The following PPARA variants were observed in gnomAD, a reference collection of about 807,000 sequenced individuals.
The protein encoded by PPARA is peroxisome proliferator-activated receptor alpha.
In PPARA, 22 loss-of-function variants were observed where a neutral mutation model predicts 42.2. The ratio of observed to expected loss-of-function variants is 0.52; its 90% CI spans 0.37 to 0.74. The LOEUF (loss-of-function observed/expected upper bound fraction) is 0.74. Among genes scored for constraint, PPARA ranks in the 30% least tolerant of loss-of-function variants. The pLI is 0.00. For missense variants in PPARA, 465 were observed against 608.2 expected (o/e 0.76, Z 2.48); for synonymous variants, 242 against 239.3 (o/e 1.01, Z -0.10).
intron 4 of PPARA, among the ~76,000 whole-genome samples, chr22:46,205,811 G>T (rs548019385): frequency 2.0e-5 from 3 of 151,700 alleles, no homozygotes; most frequent in African/African-American, 7.2e-5. Context: ...TTCTGTTGAT[G>T]AACTGAACCT....
In PPARA at chr22:46,180,153, G is replaced by C. The variant is rs189182117; in HGVS notation, c.-43+3317G>C. On this transcript the variant is annotated intron_variant, in intron 3 of 8. Transcript: ENST00000407236. This position sits in a 1 kb window ranked among gnomAD's most constrained non-coding sequence, Gnocchi z 4.2. ...AACTCTCATCTTTGCTGACAGGAAG[G>C]TAAAATGATACAAACACATTGAAAA... Among the ~76,000 whole-genome samples, 496 of 150,496 alleles carry C rather than the reference G, an allele frequency of 3.3e-3. 1 individual carries two copies. The highest frequency in any genetic ancestry group is 6.1e-3 in the Non-Finnish European group (413 of 67,832).
intron 3 of PPARA, among the ~76,000 whole-genome samples, chr22:46,197,168 G>A (rs563372644): frequency 9.9e-5 from 15 of 151,784 alleles, no homozygotes; most frequent in African/African-American, 3.6e-4. Context: ...TCCTGCCTCA[G>A]CCTCCTGAGT....
intron 2 of PPARA, among the ~76,000 whole-genome samples, chr22:46,174,357 G>T (rs1928682996): frequency 6.6e-6 from 1 of 151,406 alleles, no homozygotes; most frequent in Non-Finnish European, 1.5e-5. Flanking sequence ...CTGTTTTGGG[G>T]GTGCAACTTT....
chr22:46,210,177 C>G (rs1216541486), intron 4 of PPARA, among the ~76,000 whole-genome samples: 1 of 151,834 alleles, frequency 6.6e-6, no homozygotes, highest in Non-Finnish European at 1.5e-5. Context: ...GGCACAGTGG[C>G]ACATGCCTGT....
intron 5 of PPARA, among the ~76,000 whole-genome samples, chr22:46,215,717 G>A (rs375142794): frequency 1.1e-4 from 16 of 151,670 alleles, no homozygotes; most frequent in South Asian, 8.3e-4. Context: ...ACTCCAGCCT[G>A]GGCAACAAGA....
rs1345739572 is a variant in PPARA at position 46,240,816 on chromosome 22, A to G, written c.*5436A>G. Reference sequence around the variant, plus strand: ...TTGTTTAGCTGCACTGGAATTTCTTACCAACCAAATATTTGCATCGAGCAA... The same window carrying G: ...TTGTTTAGCTGCACTGGAATTTCTTGCCAACCAAATATTTGCATCGAGCAA... On this transcript the variant is annotated 3_prime_UTR_variant, in exon 9 of 9. Transcript: ENST00000407236. The surrounding 1 kb of genome is among the most constrained non-coding windows in gnomAD (Gnocchi z 6.0). The G allele has an allele frequency of 6.6e-6, 1 of 152,230 alleles. No homozygotes were observed. Among genetic ancestry groups the G allele is most frequent in the Non-Finnish European group, 1.5e-5 (1 of 68,048 alleles). 9.4% of individuals were successfully genotyped at this position (152,230 alleles called of 1,614,324 possible).
rs545989199 is a variant in PPARA at position 46,169,301 on chromosome 22, C to A, written c.-126-7452C>A. Among the ~76,000 whole-genome samples the A allele has an allele frequency of 8.1e-4, 123 of 152,012 alleles. 1 individual carries two copies. The highest frequency in any genetic ancestry group is 2.8e-3 in the African/African-American group (116 of 41,496). ...GACGGAGGGGGTGCAGTGGCGCAAT[C>A]TCGGCTCACTGCAAGCTCCGCCTCC... On this transcript the variant is annotated intron_variant, in intron 2 of 8. Coordinates refer to ENST00000407236, the MANE Select transcript of PPARA (RefSeq NM_005036.6).
At position 46,215,237 on chromosome 22, in the gene PPARA, C is replaced by T. The variant is rs895647814; in HGVS notation, c.273C>T (p.Asp91=). The T allele has an allele frequency of 2.4e-5, 38 of 1,613,966 alleles. No homozygotes were observed. The highest frequency in any genetic ancestry group is 3.3e-5 in the Admixed American group (2 of 59,978). The change falls in exon 5 of 9, where the codon GAC becomes GAT. Residue 91 remains aspartate, a synonymous_variant. Coordinates refer to ENST00000407236, the MANE Select transcript of PPARA (RefSeq NM_005036.6). ...ATCCTGTGGTCCCCGGCAGCGTGGA[C>T]GAGTCTCCCAGTGGAGCATTGAACA... ...VTYPVVPGSV[D]ESPSGALNIE...
In PPARA at chr22:46,243,045, C is replaced by G. The variant is rs1002747279; in HGVS notation, c.*7665C>G. The G allele has an allele frequency of 2.0e-5, 3 of 152,748 alleles. No individual in the cohort carries two copies. The East Asian group carries it at 5.8e-4, about 29-fold the overall frequency. 9.5% of individuals were successfully genotyped at this position (152,748 alleles called of 1,614,324 possible). Reference sequence around the variant, plus strand: ...AATTGGAAATGTCCTGATGGAAATTCTTTGCACGTGCCGGTTCTCTGGCAT... The same window carrying G: ...AATTGGAAATGTCCTGATGGAAATTGTTTGCACGTGCCGGTTCTCTGGCAT... On this transcript the variant is annotated 3_prime_UTR_variant, in exon 9 of 9. Transcript: ENST00000407236. This position sits in a 1 kb window ranked among gnomAD's most constrained non-coding sequence, Gnocchi z 5.0.
chr22:46,208,343 T>G (rs1933593189), intron 4 of PPARA, among the ~76,000 whole-genome samples: 1 of 151,410 alleles, frequency 6.6e-6, no homozygotes, highest in South Asian at 2.1e-4. Context: ...AGGTCAGGAG[T>G]TCAAGACTAG....
In PPARA at chr22:46,243,030, G is replaced by T. The variant is rs980850949; in HGVS notation, c.*7650G>T. 1 of 152,664 alleles carries T rather than the reference G, an allele frequency of 6.6e-6. No individual in the cohort carries two copies. Among genetic ancestry groups the T allele is most frequent in the Non-Finnish European group, 1.5e-5 (1 of 68,046 alleles). The allele number at this position is 152,664 out of a possible 1,614,324, so 9.5% of individuals were successfully genotyped here. A position where few individuals can be genotyped will look rare whatever the true frequency, so the allele number is the denominator to read the frequency against. On this transcript the variant is annotated 3_prime_UTR_variant, in exon 9 of 9. Coordinates refer to ENST00000407236, the MANE Select transcript of PPARA (RefSeq NM_005036.6). This position sits in a 1 kb window ranked among gnomAD's most constrained non-coding sequence, Gnocchi z 5.0. ...CCAAAGAACGCTGGCAATTGGAAAT[G>T]TCCTGATGGAAATTCTTTGCACGTG...
chr22:46,239,589 G>C lies in PPARA; in HGVS notation c.*4209G>C, dbSNP rs1217160505. ...CCCAATTTGGTGAAACTGACATTGG[G>C]CACGTCTTGGGCTTAGGAGAAGCGG... On this transcript the variant is annotated 3_prime_UTR_variant, in exon 9 of 9. Coordinates refer to ENST00000407236, the MANE Select transcript of PPARA (RefSeq NM_005036.6). 1 of 150,464 alleles carries C rather than the reference G, an allele frequency of 6.6e-6. No homozygotes were observed. Among genetic ancestry groups the C allele is most frequent in the Non-Finnish European group, 1.5e-5 (1 of 67,728 alleles). The allele number at this position is 150,464 out of a possible 1,614,324, so 9.3% of individuals were successfully genotyped here. A position where few individuals can be genotyped will look rare whatever the true frequency, so the allele number is the denominator to read the frequency against.
chr22:46,189,966 A>G (rs186827050), intron 3 of PPARA, among the ~76,000 whole-genome samples: 11 of 152,208 alleles, frequency 7.2e-5, no homozygotes, highest in Non-Finnish European at 1.3e-4. Context: ...CGGCCTCCCA[A>G]AGTGCTGGGA....
In PPARA at chr22:46,192,245, T is replaced by G. The variant is rs145185536; in HGVS notation, c.-42-6097T>G. Among the ~76,000 whole-genome samples, 28 of 152,240 alleles carry G rather than the reference T, an allele frequency of 1.8e-4. No homozygotes were observed. Among genetic ancestry groups the G allele is most frequent in the African/African-American group, 6.7e-4 (28 of 41,502 alleles). ...ACAGATAATCAGGGCTACACCAGAA[T>G]TGGGCCCAAGATGCTGCAGGAATCT... On this transcript the variant is annotated intron_variant, in intron 3 of 8. Coordinates refer to ENST00000407236, the MANE Select transcript of PPARA (RefSeq NM_005036.6). The surrounding 1 kb of genome is among the most constrained non-coding windows in gnomAD (Gnocchi z 4.3).
In PPARA at chr22:46,192,375, A is replaced by G. The variant is rs1931681235; in HGVS notation, c.-42-5967A>G. 6.6e-6 allele frequency among the ~76,000 whole-genome samples: 1 copy of G among 152,202 alleles called. No homozygotes were observed. The highest frequency in any genetic ancestry group is 2.4e-5 in the African/African-American group (1 of 41,448). On this transcript the variant is annotated intron_variant, in intron 3 of 8. Coordinates refer to ENST00000407236, the MANE Select transcript of PPARA (RefSeq NM_005036.6). The surrounding 1 kb of genome is among the most constrained non-coding windows in gnomAD (Gnocchi z 4.3). ...GCATCTAAGAGCAGGTGATGCAGAA[A>G]ATACCCTCGTGTTAGTTATGAATTA...
rs190704626 is a variant in PPARA at position 46,225,719 on chromosome 22, G to A, written c.711+5705G>A. ...CATGGACACACACATGCACCCACACGCACACAAGCATCCATGCTCACATGG... is the reference window on the plus strand; with the variant it reads ...CATGGACACACACATGCACCCACACACACACAAGCATCCATGCTCACATGG... On this transcript the variant is annotated intron_variant, in intron 7 of 8. Coordinates refer to ENST00000407236, the MANE Select transcript of PPARA (RefSeq NM_005036.6). The surrounding 1 kb of genome is among the most constrained non-coding windows in gnomAD (Gnocchi z 4.1). Among the ~76,000 whole-genome samples the A allele has an allele frequency of 3.0e-4, 36 of 118,822 alleles. No individual in the cohort carries two copies. In the East Asian group the frequency reaches 5.2e-3, roughly 17 times the overall value. 78.0% of individuals were successfully genotyped at this position (118,822 alleles called of 152,430 possible).
At chr22:46,153,228 G>C (rs1207009268) in intron 2 of PPARA, among the ~76,000 whole-genome samples, 1 of 133,676 alleles carries the variant, frequency 7.5e-6, no homozygotes, top group Non-Finnish European at 1.5e-5. Flanking sequence ...GGAGTGCAGT[G>C]GCATGATCTT....
At position 46,237,931 on chromosome 22, in the gene PPARA, A is replaced by T. The variant is rs1021641349; in HGVS notation, c.*2551A>T. On this transcript the variant is annotated 3_prime_UTR_variant, in exon 9 of 9. Coordinates refer to ENST00000407236, the MANE Select transcript of PPARA (RefSeq NM_005036.6). This position sits in a 1 kb window ranked among gnomAD's most constrained non-coding sequence, Gnocchi z 6.7. ...CTGATGTACCCTGTGCCATTCAAGGAGATGTGGTCCAGGAAAGTGAGCCTC... is the reference window on the plus strand; with the variant it reads ...CTGATGTACCCTGTGCCATTCAAGGTGATGTGGTCCAGGAAAGTGAGCCTC... 2.0e-5 allele frequency: 3 copies of T among 152,292 alleles called. No homozygotes were observed. Among genetic ancestry groups the T allele is most frequent in the Non-Finnish European group, 4.4e-5 (3 of 68,090 alleles). 9.4% of individuals were successfully genotyped at this position (152,292 alleles called of 1,614,324 possible).
In PPARA at chr22:46,219,630, T is replaced by G. The variant is rs2147594410; in HGVS notation, c.509-182T>G. Among the ~76,000 whole-genome samples the G allele has an allele frequency of 6.6e-6, 1 of 152,248 alleles. No individual in the cohort carries two copies. Among genetic ancestry groups the G allele is most frequent in the South Asian group, 2.1e-4 (1 of 4,828 alleles). Reference sequence around the variant, plus strand: ...CCTGCACCTGTTTAAACATCTACAGTGTATGGAGTTTGAGTTTTTCATCTC... The same window carrying G: ...CCTGCACCTGTTTAAACATCTACAGGGTATGGAGTTTGAGTTTTTCATCTC... On this transcript the variant is annotated intron_variant, in intron 6 of 8. Transcript: ENST00000407236. This position sits in a 1 kb window ranked among gnomAD's most constrained non-coding sequence, Gnocchi z 4.8.
Sources: gnomAD v4.1 joint callset for allele counts (sites outside exome capture counted in the v4.1 genomes callset) on GRCh38, gnomAD v4.1.1 for gene constraint, Gnocchi (gnomAD v3.1) non-coding constraint, MANE v1.5 for transcripts, NCBI Gene and HGNC (gene_info 2026-07-23, HGNC 2026-07-21) for gene names.